The following USP12 variants were observed in gnomAD, a reference collection of about 807,000 sequenced individuals.
USP12 encodes ubiquitin specific peptidase 12.
A neutral mutation model predicts 45.5 loss-of-function variants in USP12; 19 were observed. That is an observed-to-expected ratio of 0.42 (90% CI 0.29 to 0.61). USP12 has a LOEUF of 0.61. Among genes scored for constraint, USP12 ranks in the 20% least tolerant of loss-of-function variants. The pLI is 0.22. For synonymous variants in USP12, 149 were observed against 148.8 expected, an observed-to-expected ratio of 1.00 and a Z score of -0.01; for missense variants, 242 against 447.7, an observed-to-expected ratio of 0.54 and a Z score of 4.15.
At chr13:27,133,373 A>G (rs1473900317) in intron 1 of USP12, among the ~76,000 whole-genome samples, 1 of 152,212 alleles carries the variant, frequency 6.6e-6, no homozygotes, top group Non-Finnish European at 1.5e-5. Context: ...CTCTTCCCAG[A>G]ATATAAATTA....
intron 1 of USP12, among the ~76,000 whole-genome samples, chr13:27,157,518 T>C (rs1035081317): frequency 2.0e-5 from 3 of 152,116 alleles, no homozygotes; most frequent in Admixed American, 1.3e-4. Flanking sequence ...TTTAACAACA[T>C]ATACATGCCT....
chr13:27,116,426 C>G (rs1458823473), intron 2 of USP12, 90 bp downstream of exon 2: 5 of 1,069,778 alleles, frequency 4.7e-6, no homozygotes, highest in Non-Finnish European at 6.3e-6. Flanking sequence ...TAGAAAAGAA[C>G]AATTTTCCTT....
chr13:27,139,496 G>A (rs567804655), intron 1 of USP12, among the ~76,000 whole-genome samples: 4 of 152,224 alleles, frequency 2.6e-5, no homozygotes, highest in African/African-American at 9.6e-5. Context: ...TGCACCTGTG[G>A]TCCCGGCTAC....
chr13:27,083,621 A>G (rs1161271439), intron 6 of USP12, among the ~76,000 whole-genome samples: 1 of 152,184 alleles, frequency 6.6e-6, no homozygotes, highest in African/African-American at 2.4e-5. Flanking sequence ...TCTTTCCTGA[A>G]CTGCACTATT....
Position 27,171,572 on chromosome 13 carries a change from G to A in USP12, c.48+20C>T. 8.1e-7 allele frequency: 1 copy of A among 1,227,858 alleles called. No individual in the cohort carries two copies. Among genetic ancestry groups the A allele is most frequent in the Non-Finnish European group, 1.1e-6 (1 of 950,330 alleles). The allele number at this position is 1,227,858 out of a possible 1,614,324, so 76.1% of individuals were successfully genotyped here. ...CCGAGAGGTCCCGGCAGCCCCGGCC[G>A]CCCGCTCGCCGCCACCTACCATGGT... is the stretch of plus-strand genomic sequence containing the variant. On this transcript the variant is annotated intron_variant, in intron 1 of 8. Transcript: ENST00000282344.
intron 4 of USP12, among the ~76,000 whole-genome samples, chr13:27,090,908 A>C (rs767350653): frequency 5.9e-5 from 9 of 152,364 alleles, no homozygotes; most frequent in Non-Finnish European, 8.8e-5. Context: ...ATGTGACTAT[A>C]CAAAGTATGT....
chr13:27,071,456 GAC>G (rs1213457005), intron 7 of USP12, among the ~76,000 whole-genome samples: 1 of 152,000 alleles, frequency 6.6e-6, no homozygotes, highest in African/African-American at 2.4e-5. Flanking sequence ...TATAATAAAA[GAC>G]ATATTTTTCT....
At chr13:27,111,458 C>G (rs1875441678) in intron 2 of USP12, among the ~76,000 whole-genome samples, 1 of 152,112 alleles carries the variant, frequency 6.6e-6, no homozygotes, top group South Asian at 2.1e-4. Context: ...TTTTGAAAAT[C>G]AAAGGTAGGT....
chr13:27,087,241 G>A (rs1173951258), intron 6 of USP12, among the ~76,000 whole-genome samples: 2 of 107,628 alleles, frequency 1.9e-5, no homozygotes, highest in African/African-American at 6.9e-5. Context: ...AGTAAATATA[G>A]TGGGGAGGGA....
At chr13:27,156,104 G>A (rs550769536) in intron 1 of USP12, among the ~76,000 whole-genome samples, 153 of 152,026 alleles carry the variant, frequency 1.0e-3, no homozygotes, top group African/African-American at 3.5e-3. Flanking sequence ...TAACAGAAGA[G>A]TCATTCTGAC....
intron 1 of USP12, among the ~76,000 whole-genome samples, chr13:27,152,727 G>C (rs989978744): frequency 1.3e-5 from 2 of 151,612 alleles, no homozygotes; most frequent in Admixed American, 6.6e-5. Flanking sequence ...TGGATCACGA[G>C]GTCAGGAGAT....
At chr13:27,089,219 G>A (rs890254485) in intron 6 of USP12, among the ~76,000 whole-genome samples, 3 of 152,214 alleles carry the variant, frequency 2.0e-5, no homozygotes, top group Non-Finnish European at 4.4e-5. Context: ...AAGGTTTGCA[G>A]TAACAGTAGC....
intron 1 of USP12, among the ~76,000 whole-genome samples, chr13:27,144,733 T>C (rs1286288285): frequency 2.1e-5 from 3 of 144,186 alleles, no homozygotes; most frequent in African/African-American, 7.6e-5. Context: ...TTTTTGGAAG[T>C]TTTGTTTTTT....
At chr13:27,116,711 C>T in intron 1 of USP12, 115 bp from the exon 2 acceptor site, 1 of 871,518 alleles carries the variant, frequency 1.1e-6, no homozygotes, top group Non-Finnish European at 1.7e-6. Context: ...GATGGAGCTG[C>T]CCTACACAGG....
At chr13:27,106,757 TAGG>T (rs1165709847) in intron 2 of USP12, among the ~76,000 whole-genome samples, 3 of 152,084 alleles carry the variant, frequency 2.0e-5, no homozygotes, top group Non-Finnish European at 4.4e-5. Flanking sequence ...AAAATGTTTA[TAGG>T]AGAAGAGGAA....
intron 2 of USP12, among the ~76,000 whole-genome samples, chr13:27,108,684 C>A (rs1875274132): frequency 6.6e-6 from 1 of 152,168 alleles, no homozygotes; most frequent in South Asian, 2.1e-4. Flanking sequence ...AGGCTGGGTA[C>A]AATGGCTCAT....
At chr13:27,150,378 GA>G (rs1249416115) in intron 1 of USP12, among the ~76,000 whole-genome samples, 4 of 151,716 alleles carry the variant, frequency 2.6e-5, no homozygotes, top group African/African-American at 7.3e-5. Flanking sequence ...ACATATAAAA[GA>G]AAAAAACATT....
rs141269588 is a variant in USP12, at chr13:27,153,345, A to C, written c.48+18247T>G. ...TAAATAAATAAAGCTTAGTGTCCAA[A>C]ACTCAAATTCACTTTTAAAGTCTTC... On this transcript the variant is annotated intron_variant, in intron 1 of 8. Transcript: ENST00000282344. Among the ~76,000 whole-genome samples, 1,065 of 152,364 alleles carry C rather than the reference A, an allele frequency of 7.0e-3. 7 individuals carry two copies. The highest frequency in any genetic ancestry group is 0.014 in the Middle Eastern group (4 of 294).
At chr13:27,117,649 G>A (rs1282573173) in intron 1 of USP12, 7 of 393,282 alleles carry the variant, frequency 1.8e-5, no homozygotes, top group East Asian at 6.3e-5. Context: ...ACGGAAAGCA[G>A]ACCGAAGAAT....
Sources: allele counts gnomAD v4.1 joint callset (sites outside exome capture counted in the v4.1 genomes callset), GRCh38; gene constraint gnomAD v4.1.1; transcripts MANE v1.5; gene names NCBI Gene and HGNC (gene_info 2026-07-23, HGNC 2026-07-21).